Variants in CEACAM5 observed in about 807,000 individuals in gnomAD.
The protein encoded by CEACAM5 is cell adhesion molecule CEACAM5.
A neutral mutation model predicts 63.0 loss-of-function variants in CEACAM5; 52 were observed. The ratio of observed to expected loss-of-function variants is 0.83; its 90% confidence interval spans 0.66 to 1.04. The LOEUF (loss-of-function observed/expected upper bound fraction) is 1.04, where lower values mean the gene tolerates loss of function less well. Ranked by LOEUF, CEACAM5 falls within the 50% of genes least tolerant of loss-of-function variation. The probability of loss-of-function intolerance (pLI) is 0.00; values close to 1 mark genes in which losing one functional copy is unlikely to be tolerated. For synonymous variants in CEACAM5, 357 were observed against 351.3 expected (o/e 1.02, Z -0.18); for missense variants, 790 against 864.8 (o/e 0.91, Z 1.08).
intron 8 of CEACAM5, 86 bp downstream of exon 8, chr19:41,721,262 TCCCAGTCTGTGTTC>T (rs755086443): frequency 5.5e-5 from 82 of 1,480,926 alleles, no homozygotes; most frequent in Middle Eastern, 3.6e-4. Context: ...ACATTTTCTT[TCCCAGTCTGTGTTC>T]CATGGGCACA....
At chr19:41,724,801 T>C (rs2072674877) in intron 8 of CEACAM5, among the ~76,000 whole-genome samples, 2 of 152,220 alleles carry the variant, frequency 1.3e-5, no homozygotes, top group African/African-American at 4.8e-5. Flanking sequence ...ACAACTGATG[T>C]TTGCGTGTTG....
intron 2 of CEACAM5, among the ~76,000 whole-genome samples, chr19:41,711,081 G>T (rs1399247230): frequency 9.2e-5 from 14 of 152,128 alleles, no homozygotes; most frequent in African/African-American, 3.4e-4. Context: ...TTAGGCATCT[G>T]CATCTGAGAC....
intron 2 of CEACAM5, among the ~76,000 whole-genome samples, chr19:41,711,937 C>A (rs189572573): frequency 1.3e-5 from 2 of 152,156 alleles, no homozygotes; most frequent in South Asian, 2.1e-4. Flanking sequence ...ACAGATGGAG[C>A]CCCTGCCAGG....
chr19:41,712,609 G>A (rs781941385), intron 2 of CEACAM5, among the ~76,000 whole-genome samples: 4 of 152,246 alleles, frequency 2.6e-5, no homozygotes, highest in Admixed American at 1.3e-4. Context: ...CTCTCTGACC[G>A]GTTCTGTCCT....
intron 3 of CEACAM5, 106 bp downstream of exon 3, chr19:41,715,355 C>G: frequency 6.7e-7 from 1 of 1,490,772 alleles, no homozygotes; most frequent in South Asian, 1.1e-5. Context: ...GACCCTCAAC[C>G]CTGGACATCC....
chr19:41,711,018 G>A (rs559726589), intron 2 of CEACAM5, among the ~76,000 whole-genome samples: 2 of 152,298 alleles, frequency 1.3e-5, no homozygotes, highest in East Asian at 3.9e-4. Flanking sequence ...AGGTCTGTCT[G>A]TAGCCACAGC....
Position 41,729,926 on chromosome 19 carries a change from A to G in CEACAM5, c.*779A>G, listed in dbSNP as rs1292984533. 2.0e-5 allele frequency: 3 copies of G among 152,212 alleles called. No homozygotes were observed. The highest frequency in any genetic ancestry group is 4.4e-5 in the Non-Finnish European group (3 of 68,038). 9.4% of individuals were successfully genotyped at this position (152,212 alleles called of 1,614,324 possible). A position where few individuals can be genotyped will look rare whatever the true frequency, so the allele number is the denominator to read the frequency against. On this transcript the variant is annotated 3_prime_UTR_variant, in exon 10 of 10. Coordinates refer to ENST00000221992, the MANE Select transcript of CEACAM5 (RefSeq NM_004363.6). ...AAAAATCTGCTCTTTGTATGACAGA[A>G]TACATTTGAAAACATTGGTTATATT... is the stretch of plus-strand genomic sequence containing the variant.
rs138328698 is a variant in CEACAM5, at chr19:41,721,153, T to C, written c.2003T>C (p.Ile668Thr). 68 of 1,614,186 alleles carry C rather than the reference T, an allele frequency of 4.2e-5. No individual in the cohort carries two copies. The African/African-American group carries it at 5.6e-4, about 13-fold the overall frequency. ...TTGGCTACTGGCCGCAATAATTCCATAGTCAAGAGCATCACAGTCTCTGGT... is the reference window on the plus strand; with the variant it reads ...TTGGCTACTGGCCGCAATAATTCCACAGTCAAGAGCATCACAGTCTCTGGT... ...SNLATGRNNSIVKSITVSASG... is the reference protein window; with the variant it reads ...SNLATGRNNSTVKSITVSASG... The change falls in exon 8 of 10, where the codon ATA becomes ACA. Residue 668 changes from isoleucine (I) to threonine (T), a missense_variant. By Grantham distance (89) the Ile-to-Thr change is moderately conservative. Transcript: ENST00000221992.
chr19:41,718,818 C>T (rs1470910347), intron 6 of CEACAM5, among the ~76,000 whole-genome samples: 1 of 152,216 alleles, frequency 6.6e-6, no homozygotes, highest in Non-Finnish European at 1.5e-5. Context: ...AGGAGGATGC[C>T]CCTTGGATGA....
intron 8 of CEACAM5, among the ~76,000 whole-genome samples, chr19:41,725,357 C>CTTTTTTTTTTTTTTTTTTTTTTTTTTTT: frequency 7.3e-6 from 1 of 137,362 alleles, no homozygotes. Context: ...TCTCCATTTT[C>CTTTTTTTTTTTTTTTTTTTTTTTTTTTT]TTTTTTTTTT....
At chr19:41,726,607 G>A (rs2072703672) in intron 8 of CEACAM5, among the ~76,000 whole-genome samples, 1 of 152,198 alleles carries the variant, frequency 6.6e-6, no homozygotes, top group South Asian at 2.1e-4. Flanking sequence ...AGTGGGAGGA[G>A]CCTGAGAGAG....
In CEACAM5 at chr19:41,718,109, C is replaced by A. The variant is rs782067455; in HGVS notation, c.1238-19C>A. The A allele has an allele frequency of 2.5e-6, 4 of 1,613,496 alleles. No individual in the cohort carries two copies. In the African/African-American group the frequency reaches 5.3e-5, roughly 22 times the overall value. On this transcript the variant is annotated intron_variant, in intron 5 of 9. Transcript: ENST00000221992. ...TGCTCTGATGACATTCACCTGTGGC[C>A]CTATTCTCTTTGCTCCAGATGGCCC... is the stretch of plus-strand genomic sequence containing the variant.
At chr19:41,709,628 C>T in intron 1 of CEACAM5, 52 bp from the exon 2 acceptor site, 1 of 1,563,268 alleles carries the variant, frequency 6.4e-7, no homozygotes, top group South Asian at 1.2e-5. Context: ...CCCATTTTTC[C>T]ACCCTAATGC....
At chr19:41,715,569 G>A (rs2072511999) in intron 3 of CEACAM5, 81 bp from the exon 4 acceptor site, 7 of 1,543,630 alleles carry the variant, frequency 4.5e-6, no homozygotes, top group South Asian at 1.2e-5. Flanking sequence ...AGCTTAGAGG[G>A]ACACTGTGGT....
At position 41,715,125 on chromosome 19, in the gene CEACAM5, G is replaced by A. The variant is rs782461132; in HGVS notation, c.579G>A (p.Leu193=). Residue 193 remains leucine (L), a synonymous_variant, in exon 3 of 10, where the codon CTG becomes CTA. Transcript: ENST00000221992. ...TCCCGGTCAGTCCCAGGCTGCAGCTGTCCAATGGCAACAGGACCCTCACTC... is the reference window on the plus strand; with the variant it reads ...TCCCGGTCAGTCCCAGGCTGCAGCTATCCAATGGCAACAGGACCCTCACTC... ...QSLPVSPRLQ[L]SNGNRTLTLF... is the part of the protein sequence containing the mutation. 1.2e-6 allele frequency: 2 copies of A among 1,614,192 alleles called. No homozygotes were observed. The highest frequency in any genetic ancestry group is 2.2e-5 in the South Asian group (2 of 91,084).
chr19:41,708,806 G>A lies in CEACAM5; in HGVS notation c.64+11G>A, dbSNP rs1555813354. On this transcript the variant is annotated intron_variant, in intron 1 of 9. Coordinates refer to ENST00000221992, the MANE Select transcript of CEACAM5 (RefSeq NM_004363.6). ...GGCTCCTGCTCACAGGTGAAGGGAG[G>A]ACAACCTGGGAGAGGGTGGGAGGAG... 3 of 1,608,216 alleles carry A rather than the reference G, an allele frequency of 1.9e-6. No homozygotes were observed. The highest frequency in any genetic ancestry group is 1.7e-5 in the Admixed American group (1 of 59,202).
intron 2 of CEACAM5, among the ~76,000 whole-genome samples, chr19:41,712,694 G>A (rs2072454689): frequency 6.6e-6 from 1 of 152,136 alleles, no homozygotes; most frequent in Non-Finnish European, 1.5e-5. Context: ...CTTCCTTTGA[G>A]CATAATGTGA....
At chr19:41,716,480 A>G (rs1201470842) in intron 4 of CEACAM5, among the ~76,000 whole-genome samples, 2 of 152,168 alleles carry the variant, frequency 1.3e-5, no homozygotes, top group Non-Finnish European at 1.5e-5. Context: ...AATTCGGCTA[A>G]ATCAAGCTGC....
At chr19:41,710,591 C>T (rs781904089) in intron 2 of CEACAM5, among the ~76,000 whole-genome samples, 15 of 152,184 alleles carry the variant, frequency 9.9e-5, no homozygotes, top group East Asian at 3.8e-4. Flanking sequence ...CCCAGAGTCT[C>T]ATTTGGACAA....
Sources: allele counts gnomAD v4.1 joint callset (sites outside exome capture counted in the v4.1 genomes callset), GRCh38; gene constraint gnomAD v4.1.1; transcripts MANE v1.5; gene names NCBI Gene and HGNC (gene_info 2026-07-23, HGNC 2026-07-21).